Variants in MAPKAPK3 observed in about 807,000 individuals in gnomAD.
MAPKAPK3 encodes MAPK activated protein kinase 3, also known as MAP kinase-activated protein kinase 3.
Under a neutral mutation model 49.2 loss-of-function variants are expected in MAPKAPK3, and 35 were observed. The ratio of observed to expected loss-of-function variants is 0.71; its 90% CI spans 0.54 to 0.94. MAPKAPK3 has a LOEUF of 0.94. Among genes scored for constraint, MAPKAPK3 ranks in the 40% least tolerant of loss-of-function variants. The pLI, the probability that MAPKAPK3 is intolerant of heterozygous loss-of-function variation, is 0.00. For missense variants in MAPKAPK3, 398 were observed against 493.1 expected, an observed-to-expected ratio of 0.81 and a Z score of 1.83; for synonymous variants, 178 against 188.7, an observed-to-expected ratio of 0.94 and a Z score of 0.46.
intron 10 of MAPKAPK3, 42 bp downstream of exon 10, chr3:50,647,245 T>C (rs971833762): frequency 1.9e-6 from 3 of 1,538,840 alleles, no homozygotes; most frequent in South Asian, 2.4e-5. Flanking sequence ...GTGCCAGGAT[T>C]TGGGCAAAAG....
At chr3:50,642,368 A>G (rs1220515292) in intron 5 of MAPKAPK3, 36 bp downstream of exon 5, 3 of 1,515,932 alleles carry the variant, frequency 2.0e-6, no homozygotes, top group Non-Finnish European at 2.7e-6. Context: ...GGCCCGGGGA[A>G]GAGGATATTG....
intron 10 of MAPKAPK3, 64 bp downstream of exon 10, chr3:50,647,267 G>A: frequency 7.2e-7 from 1 of 1,395,428 alleles, no homozygotes; most frequent in Non-Finnish European, 9.9e-7. Flanking sequence ...GACTTCAGGG[G>A]GGTGGCTACC....
intron 2 of MAPKAPK3, among the ~76,000 whole-genome samples, chr3:50,637,693 A>AAG (rs34205773): frequency 1.6e-3 from 236 of 145,000 alleles, no homozygotes; most frequent in East Asian, 4.9e-3. Context: ...CAGAGAGAGA[A>AAG]AGAGAGAGAG....
chr3:50,621,081 C>T (rs813243), intron 2 of MAPKAPK3, among the ~76,000 whole-genome samples: 118,103 of 152,072 alleles, frequency 0.78, 47,066 homozygotes, highest in Middle Eastern at 0.89. Context: ...CGAATTTTCT[C>T]CCCTCCTGAC....
chr3:50,611,595 G>A (rs532551963), upstream of MAPKAPK3: 1 of 1,522,912 alleles, frequency 6.6e-7, no homozygotes, highest in African/African-American at 1.4e-5. Flanking sequence ...TGCGCCCCTC[G>A]TGGTGGCCGG....
intron 2 of MAPKAPK3, among the ~76,000 whole-genome samples, 199 bp from the exon 3 acceptor site, chr3:50,640,167 T>C (rs1036515469): frequency 6.6e-6 from 1 of 152,204 alleles, no homozygotes; most frequent in African/African-American, 2.4e-5. Context: ...GCCAAGCTGC[T>C]TGAGCCCAGG....
At chr3:50,644,624 A>G (rs1576015270) in intron 6 of MAPKAPK3, 92 bp downstream of exon 6, 1 of 1,368,546 alleles carries the variant, frequency 7.3e-7, no homozygotes, top group Non-Finnish European at 1.0e-6. Context: ...CCAAAGGGTT[A>G]AAGCCCAGCA....
chr3:50,644,910 TA>T (rs2033253153), intron 6 of MAPKAPK3, among the ~76,000 whole-genome samples: 1 of 152,148 alleles, frequency 6.6e-6, no homozygotes, highest in South Asian at 2.1e-4. Context: ...CATTTCCTCC[TA>T]ACTTGGAGGG....
At chr3:50,620,053 G>T (rs2032571414) in intron 2 of MAPKAPK3, among the ~76,000 whole-genome samples, 1 of 152,182 alleles carries the variant, frequency 6.6e-6, no homozygotes, top group Non-Finnish European at 1.5e-5. Context: ...TATCACTAGT[G>T]ACCAAGCCTA....
intron 3 of MAPKAPK3, among the ~76,000 whole-genome samples, chr3:50,640,898 C>T (rs1379144013): frequency 2.6e-5 from 4 of 152,190 alleles, no homozygotes; most frequent in African/African-American, 4.8e-5. Flanking sequence ...TCCCATGGTC[C>T]CACCAGGAAC....
chr3:50,631,351 G>A (rs1576004505), intron 2 of MAPKAPK3, among the ~76,000 whole-genome samples: 4 of 152,320 alleles, frequency 2.6e-5, no homozygotes, highest in African/African-American at 4.8e-5. Context: ...GGGCAGGAGC[G>A]GGGTTCTGGC....
At chr3:50,624,446 G>A (rs1213509233) in intron 2 of MAPKAPK3, among the ~76,000 whole-genome samples, 1 of 152,206 alleles carries the variant, frequency 6.6e-6, no homozygotes, top group Non-Finnish European at 1.5e-5. Context: ...TCCTGACAAA[G>A]ACTGGGAAGC....
At chr3:50,621,800 AG>A (rs1460386454) in intron 2 of MAPKAPK3, among the ~76,000 whole-genome samples, 1 of 152,148 alleles carries the variant, frequency 6.6e-6, no homozygotes, top group Non-Finnish European at 1.5e-5. Context: ...AAGCAATAAA[AG>A]GCCTTATGGA....
Position 50,642,321 on chromosome 3 carries a change from C to T in MAPKAPK3, c.493C>T (p.Arg165Ter), listed in dbSNP as rs757882175. The T allele has an allele frequency of 6.2e-6, 10 of 1,612,280 alleles. No individual in the cohort carries two copies. In the South Asian group the frequency reaches 6.6e-5, roughly 11 times the overall value. The change falls in exon 5 of 11, where the codon CGA becomes TGA. Residue 165 changes from arginine to a stop codon, truncating the protein, a stop_gained. Transcript: ENST00000621469. LOFTEE classifies it high-confidence loss of function. ...QFLHSHNIAH[R>*]DVKPENLLYT... ...TCTGCACAGCCATAACATTGCCCAC[C>T]GAGATGTCAAGGTGAGGCTCCAGGA... is the stretch of plus-strand genomic sequence containing the variant.
rs558659234 is a variant in MAPKAPK3 at position 50,637,581 on chromosome 3, G to A, written c.220-2785G>A. On this transcript the variant is annotated intron_variant, in intron 2 of 10. Coordinates refer to ENST00000621469, the MANE Select transcript of MAPKAPK3 (RefSeq NM_001243925.2). ...CGGGAGGCGGAGCTTGCAGTGAGCC[G>A]AGATCGTGCCACTGCACTCCAGCCT... is the stretch of plus-strand genomic sequence containing the variant. 9.3e-5 allele frequency among the ~76,000 whole-genome samples: 14 copies of A among 150,508 alleles called. No homozygotes were observed. In the South Asian group the frequency reaches 2.5e-3, roughly 27 times the overall value.
chr3:50,628,670 A>G (rs2032821085), intron 2 of MAPKAPK3, among the ~76,000 whole-genome samples: 1 of 152,194 alleles, frequency 6.6e-6, no homozygotes, highest in Admixed American at 6.5e-5. Flanking sequence ...GGCTGTGGGC[A>G]GAATCCTGGG....
intron 2 of MAPKAPK3, among the ~76,000 whole-genome samples, chr3:50,639,672 T>C (rs1483157018): frequency 6.6e-6 from 1 of 152,136 alleles, no homozygotes; most frequent in East Asian, 1.9e-4. Context: ...GCCAGTTTCT[T>C]TGTGGGAGAT....
At chr3:50,625,617 CT>C (rs1390791829) in intron 2 of MAPKAPK3, among the ~76,000 whole-genome samples, 2 of 152,170 alleles carry the variant, frequency 1.3e-5, no homozygotes, top group East Asian at 3.9e-4. Context: ...TTAGGGTTGC[CT>C]TTTTCTTTAG....
At chr3:50,637,342 C>G (rs569643237) in intron 2 of MAPKAPK3, among the ~76,000 whole-genome samples, 1 of 152,152 alleles carries the variant, frequency 6.6e-6, no homozygotes, top group Non-Finnish European at 1.5e-5. Context: ...GAAGCAAAAC[C>G]AGTAAGAAAG....
Sources: allele counts gnomAD v4.1 joint callset (sites outside exome capture counted in the v4.1 genomes callset), GRCh38; gene constraint gnomAD v4.1.1; transcripts MANE v1.5; gene names NCBI Gene and HGNC (gene_info 2026-07-23, HGNC 2026-07-21).